RSU1: variants seen among roughly 807,000 people sequenced by gnomAD.
RSU1 encodes the protein Ras suppressor protein 1.
RSU1 carries 26 observed loss-of-function variants against 31.1 expected under a neutral mutation model. The observed-to-expected ratio is 0.84, with a 90% confidence interval of 0.61 to 1.16. The LOEUF (loss-of-function observed/expected upper bound fraction) is 1.16, where lower values mean the gene tolerates loss of function less well. RSU1 is among the 50% of genes most tolerant of loss of function. The pLI, the probability that RSU1 is intolerant of heterozygous loss-of-function variation, is 0.00. For synonymous variants in RSU1, 164 were observed against 136.3 expected, an observed-to-expected ratio of 1.20 and a Z score of -1.41; for missense variants, 320 against 339.1, an observed-to-expected ratio of 0.94 and a Z score of 0.44.
chr10:16,683,160 G>T (rs888857046), intron 8 of RSU1, among the ~76,000 whole-genome samples: 13 of 143,450 alleles, frequency 9.1e-5, no homozygotes, highest in African/African-American at 1.3e-4. Context: ...ATGGGTGTGT[G>T]GTGTGTGTGT....
At chr10:16,596,675 A>C (rs1833619956) in intron 8 of RSU1, among the ~76,000 whole-genome samples, 1 of 152,180 alleles carries the variant, frequency 6.6e-6, no homozygotes, top group Non-Finnish European at 1.5e-5. Context: ...CAGAGCAAAA[A>C]AATACGTATG....
chr10:16,614,928 A>T (rs1833950553), intron 8 of RSU1, among the ~76,000 whole-genome samples: 1 of 152,240 alleles, frequency 6.6e-6, no homozygotes, highest in Non-Finnish European at 1.5e-5. Flanking sequence ...CCACTGCAAA[A>T]ATATAACAAA....
At chr10:16,724,792 C>A (rs1836349832) in intron 7 of RSU1, among the ~76,000 whole-genome samples, 1 of 152,166 alleles carries the variant, frequency 6.6e-6, no homozygotes, top group Non-Finnish European at 1.5e-5. Flanking sequence ...GTAAGTAGCT[C>A]AAACGAGAAC....
At chr10:16,687,498 G>A (rs1201108526) in intron 8 of RSU1, among the ~76,000 whole-genome samples, 3 of 152,070 alleles carry the variant, frequency 2.0e-5, no homozygotes, top group Non-Finnish European at 4.4e-5. Context: ...GAATAATAGT[G>A]TTAACCAAGT....
intron 8 of RSU1, among the ~76,000 whole-genome samples, chr10:16,670,188 G>A (rs1366012110): frequency 2.0e-5 from 3 of 152,164 alleles, no homozygotes; most frequent in East Asian, 3.8e-4. Context: ...GAGGAAAAAC[G>A]TAGAACATTT....
Position 16,785,439 on chromosome 10 carries a change from T to TATATACATATATATACAC in RSU1, c.110-3356_110-3355insGTGTATATATATGTATAT, listed in dbSNP as rs753904677. 2.9e-3 allele frequency among the ~76,000 whole-genome samples: 371 copies of TATATACATATATATACAC among 128,362 alleles called. 12 individuals carry two copies. The highest frequency in any genetic ancestry group is 0.011 in the African/African-American group (334 of 29,088). 84.2% of individuals were successfully genotyped at this position (128,362 alleles called of 152,430 possible). On this transcript the variant is annotated intron_variant, in intron 2 of 8. Transcript: ENST00000345264. Reference sequence around the variant, plus strand: ...ATATACATATATACATATATATATATACACATATATACATATATACATATA... The same window carrying TATATACATATATATACAC: ...ATATACATATATACATATATATATATATATACATATATATACACACACATATATACATATATACATATA...
intron 7 of RSU1, among the ~76,000 whole-genome samples, chr10:16,722,687 C>T (rs560504869): frequency 9.2e-5 from 14 of 152,054 alleles, no homozygotes; most frequent in African/African-American, 3.4e-4. Context: ...AGACAATATT[C>T]CAGACAATAG....
At chr10:16,674,473 A>G (rs779892730) in intron 8 of RSU1, among the ~76,000 whole-genome samples, 1 of 151,768 alleles carries the variant, frequency 6.6e-6, no homozygotes, top group Non-Finnish European at 1.5e-5. Flanking sequence ...TTGAAACAAC[A>G]ACAGCTCTCA....
intron 8 of RSU1, among the ~76,000 whole-genome samples, chr10:16,600,066 G>A (rs1203039539): frequency 1.3e-5 from 2 of 152,176 alleles, no homozygotes; most frequent in Non-Finnish European, 1.5e-5. Context: ...GGAAAAAAAC[G>A]AGAAACCGCA....
chr10:16,671,315 A>G (rs1835101285), intron 8 of RSU1, among the ~76,000 whole-genome samples: 1 of 152,144 alleles, frequency 6.6e-6, no homozygotes, highest in Non-Finnish European at 1.5e-5. Context: ...AAGAGCTGGG[A>G]TTACAGGTGT....
At chr10:16,781,954 A>T in intron 3 of RSU1, 80 bp downstream of exon 3, 1 of 1,210,108 alleles carries the variant, frequency 8.3e-7, no homozygotes, top group Non-Finnish European at 1.2e-6. Context: ...AGTTTCTCCC[A>T]AGGAAACAGT....
At chr10:16,763,670 C>T (rs1837254161) in intron 4 of RSU1, among the ~76,000 whole-genome samples, 2 of 152,264 alleles carry the variant, frequency 1.3e-5, no homozygotes, top group East Asian at 3.9e-4. Flanking sequence ...ACCATCTTCC[C>T]AGCTTGGCCG....
chr10:16,646,855 G>A (rs1834581986), intron 8 of RSU1, among the ~76,000 whole-genome samples: 1 of 152,200 alleles, frequency 6.6e-6, no homozygotes, highest in South Asian at 2.1e-4. Flanking sequence ...GTGAAATGAG[G>A]CTGGAATCAA....
At chr10:16,672,660 C>A (rs1036469625) in intron 8 of RSU1, among the ~76,000 whole-genome samples, 1 of 151,666 alleles carries the variant, frequency 6.6e-6, no homozygotes, top group Non-Finnish European at 1.5e-5. Flanking sequence ...ATTTATCGAA[C>A]ACTCTACAAA....
intron 2 of RSU1, among the ~76,000 whole-genome samples, chr10:16,796,001 A>C (rs370204492): frequency 6.6e-6 from 1 of 152,136 alleles, no homozygotes; most frequent in East Asian, 1.9e-4. Flanking sequence ...TCCCTGGGAA[A>C]AGTAAACCTT....
At chr10:16,597,645 G>A (rs182062790) in intron 8 of RSU1, among the ~76,000 whole-genome samples, 2 of 152,294 alleles carry the variant, frequency 1.3e-5, no homozygotes, top group African/African-American at 2.4e-5. Context: ...GGACAGACAT[G>A]GAGTTACAGT....
intron 8 of RSU1, among the ~76,000 whole-genome samples, chr10:16,650,736 C>A (rs1325199721): frequency 6.8e-6 from 1 of 147,030 alleles, no homozygotes; most frequent in Non-Finnish European, 1.5e-5. Context: ...CCCGCCACCA[C>A]ACCCGGCTAC....
At chr10:16,738,030 C>G (rs1404022424) in intron 7 of RSU1, among the ~76,000 whole-genome samples, 1 of 152,156 alleles carries the variant, frequency 6.6e-6, no homozygotes, top group Non-Finnish European at 1.5e-5. Flanking sequence ...TTCTCAATTT[C>G]TAAATAACAG....
At chr10:16,772,641 G>GAAAAAAAAAAAAAAA (rs60460081) in intron 3 of RSU1, among the ~76,000 whole-genome samples, 33 of 64,720 alleles carry the variant, frequency 5.1e-4, no homozygotes, top group East Asian at 2.0e-3. Flanking sequence ...AGTAGAATAT[G>GAAAAAAAAAAAAAAA]AAAAAAAAAA....
Sources: allele counts gnomAD v4.1 joint callset (sites outside exome capture counted in the v4.1 genomes callset), GRCh38; gene constraint gnomAD v4.1.1; transcripts MANE v1.5; gene names NCBI Gene and HGNC (gene_info 2026-07-23, HGNC 2026-07-21).